EXOC4: variants seen among roughly 807,000 people sequenced by gnomAD.
EXOC4 encodes the protein exocyst complex component 4, also known as SEC8-like 1.
EXOC4 carries 71 observed loss-of-function variants against 107.2 expected under a neutral mutation model. The ratio of observed to expected loss-of-function variants is 0.66; its 90% CI spans 0.55 to 0.81. The LOEUF is 0.81. EXOC4 is among the 30% of genes least tolerant of loss of function. The pLI is 0.00. For synonymous variants in EXOC4, 456 were observed against 441.2 expected, an observed-to-expected ratio of 1.03 and a Z score of -0.42; for missense variants, 1,108 against 1,189.6, an observed-to-expected ratio of 0.93 and a Z score of 1.01.
chr7:133,800,893 CA>C (rs1796926255), intron 10 of EXOC4, among the ~76,000 whole-genome samples: 1 of 152,060 alleles, frequency 6.6e-6, no homozygotes, highest in Non-Finnish European at 1.5e-5. Context: ...TGTTCCATTC[CA>C]ATGTTTTAAC....
intron 9 of EXOC4, among the ~76,000 whole-genome samples, chr7:133,627,116 CA>C (rs1251817094): frequency 6.6e-6 from 1 of 152,114 alleles, no homozygotes; most frequent in Non-Finnish European, 1.5e-5. Flanking sequence ...CACATAGTAA[CA>C]GAAGTGACTT....
chr7:133,950,356 C>T (rs1176942458), intron 14 of EXOC4, among the ~76,000 whole-genome samples: 1 of 152,114 alleles, frequency 6.6e-6, no homozygotes, highest in Non-Finnish European at 1.5e-5. Context: ...CTATTTTAAG[C>T]CTGAAAAAAT....
chr7:133,657,331 C>T (rs927138586), intron 10 of EXOC4, among the ~76,000 whole-genome samples: 9 of 152,074 alleles, frequency 5.9e-5, no homozygotes, highest in African/African-American at 1.2e-4. Flanking sequence ...ATTTTACTTC[C>T]GAGCATTTTT....
At chr7:133,761,352 A>G (rs1476218157) in intron 10 of EXOC4, among the ~76,000 whole-genome samples, 1 of 152,124 alleles carries the variant, frequency 6.6e-6, no homozygotes, top group Non-Finnish European at 1.5e-5. Context: ...TGTATTTTCT[A>G]CCATATGTGA....
rs564361142 is a variant in EXOC4 at position 133,324,733 on chromosome 7, G to A, written c.763+7343G>A. ...TGTAGAGGTCTATTAGGTCTGCTTG[G>A]TGCAGAGCTGAGTTCAATTCCTGTA... On this transcript the variant is annotated intron_variant, in intron 5 of 17. Coordinates refer to ENST00000253861, the MANE Select transcript of EXOC4 (RefSeq NM_021807.4). Among the ~76,000 whole-genome samples, 204 of 152,304 alleles carry A rather than the reference G, an allele frequency of 1.3e-3. 1 individual carries two copies. The highest frequency in any genetic ancestry group is 4.5e-3 in the African/African-American group (187 of 41,566).
At chr7:133,719,189 C>A (rs1323486308) in intron 10 of EXOC4, among the ~76,000 whole-genome samples, 3 of 152,180 alleles carry the variant, frequency 2.0e-5, no homozygotes, top group African/African-American at 7.2e-5. Flanking sequence ...CACAAACTTT[C>A]TCTCTTTGCC....
chr7:133,813,155 A>T (rs1797276502), intron 10 of EXOC4, among the ~76,000 whole-genome samples: 1 of 152,176 alleles, frequency 6.6e-6, no homozygotes, highest in South Asian at 2.1e-4. Context: ...TTTGAATTTG[A>T]AAGAAATCAC....
intron 10 of EXOC4, among the ~76,000 whole-genome samples, chr7:133,663,784 G>T (rs1237017680): frequency 6.6e-6 from 1 of 152,086 alleles, no homozygotes; most frequent in Admixed American, 6.6e-5. Context: ...CTTCCTAATG[G>T]TCTTATACTT....
At position 133,846,612 on chromosome 7, in the gene EXOC4, T is replaced by C. The variant is rs544008808; in HGVS notation, c.1734+29068T>C. 2.6e-5 allele frequency among the ~76,000 whole-genome samples: 4 copies of C among 152,342 alleles called. No individual in the cohort carries two copies. In the South Asian group the frequency reaches 6.2e-4, roughly 24 times the overall value. On this transcript the variant is annotated intron_variant, in intron 11 of 17. Transcript: ENST00000253861. Reference sequence around the variant, plus strand: ...GGACCATTCAACTAAGATAATACGGTATAATGCAGGGACCAACAATCTTTT... The same window carrying C: ...GGACCATTCAACTAAGATAATACGGCATAATGCAGGGACCAACAATCTTTT...
chr7:133,647,303 A>C (rs1203922614), intron 10 of EXOC4, among the ~76,000 whole-genome samples: 1 of 152,154 alleles, frequency 6.6e-6, no homozygotes, highest in Non-Finnish European at 1.5e-5. Context: ...GTCATTTGAA[A>C]TTTGCGTATG....
At chr7:133,718,998 G>A (rs940330171) in intron 10 of EXOC4, among the ~76,000 whole-genome samples, 5 of 152,120 alleles carry the variant, frequency 3.3e-5, no homozygotes, top group Non-Finnish European at 7.4e-5. Flanking sequence ...CATGTGAGAT[G>A]GTTTGGCTGT....
At chr7:133,358,741 AG>A (rs1477094636) in intron 6 of EXOC4, among the ~76,000 whole-genome samples, 2 of 151,840 alleles carry the variant, frequency 1.3e-5, no homozygotes, top group Non-Finnish European at 2.9e-5. Flanking sequence ...ATCTCATTAT[AG>A]TACCTTTAAA....
chr7:133,944,536 T>G (rs1349894666), intron 14 of EXOC4, among the ~76,000 whole-genome samples: 1 of 152,202 alleles, frequency 6.6e-6, no homozygotes, highest in African/African-American at 2.4e-5. Context: ...GGGATTGACT[T>G]TGTGCCTCCA....
chr7:133,762,919 T>C (rs956170983), intron 10 of EXOC4, among the ~76,000 whole-genome samples: 4 of 152,278 alleles, frequency 2.6e-5, no homozygotes, highest in African/African-American at 9.6e-5. Context: ...AATTTTGTTA[T>C]GCAATTAACA....
intron 3 of EXOC4, among the ~76,000 whole-genome samples, chr7:133,290,116 A>G (rs896478861): frequency 2.0e-5 from 3 of 152,236 alleles, no homozygotes; most frequent in Admixed American, 6.5e-5. Context: ...CCAAGGAGTG[A>G]GAAGTGCCAT....
At chr7:133,533,929 A>T (rs1373958647) in intron 9 of EXOC4, among the ~76,000 whole-genome samples, 2 of 152,098 alleles carry the variant, frequency 1.3e-5, no homozygotes, top group African/African-American at 4.8e-5. Context: ...GGGAAGGAAG[A>T]TGAGGTAATT....
At chr7:134,098,782 G>C in the EXOC4 span, among the ~76,000 whole-genome samples, 4 of 152,202 alleles carry the variant, frequency 2.6e-5, no homozygotes, top group Admixed American at 6.5e-5. Flanking sequence ...CATCTTCCAA[G>C]AGAGATGAGA....
chr7:134,033,950 G>A lies in EXOC4; in HGVS notation c.2687+26115G>A, dbSNP rs111745955. 2.8e-4 allele frequency among the ~76,000 whole-genome samples: 42 copies of A among 152,292 alleles called. 1 individual carries two copies. Among genetic ancestry groups the A allele is most frequent in the African/African-American group, 8.4e-4 (35 of 41,574 alleles). On this transcript the variant is annotated intron_variant, in intron 17 of 17. Transcript: ENST00000253861. ...GGCCAATTTTGAGGGTGCAATAAGG[G>A]CATCTTCAGATTTATAAAGACTTGG...
intron 11 of EXOC4, among the ~76,000 whole-genome samples, chr7:133,883,950 C>T (rs1021631681): frequency 6.6e-6 from 1 of 152,330 alleles, no homozygotes; most frequent in East Asian, 1.9e-4. Flanking sequence ...TCTATCATTA[C>T]TGTCGTTTTC....
Sources: gnomAD v4.1 joint callset for allele counts (sites outside exome capture counted in the v4.1 genomes callset) on GRCh38, gnomAD v4.1.1 for gene constraint, MANE v1.5 for transcripts, NCBI Gene and HGNC (gene_info 2026-07-23, HGNC 2026-07-21) for gene names.